Variants in NAV2 observed in about 807,000 individuals in gnomAD.
NAV2 encodes helicase, APC down-regulated 1.
NAV2 carries 54 observed loss-of-function variants against 223.2 expected under a neutral mutation model. The observed-to-expected ratio is 0.24, with a 90% CI of 0.19 to 0.30. The LOEUF is 0.30. NAV2 is among the 10% of genes least tolerant of loss of function. NAV2 has a pLI of 1.00. For synonymous variants in NAV2, 1,279 were observed against 1,239.3 expected (o/e 1.03, Z -0.67); for missense variants, 2,806 against 3,147.5 (o/e 0.89, Z 2.60).
At chr11:19,831,235 G>A (rs1472729175) in intron 1 of NAV2, among the ~76,000 whole-genome samples, 1 of 108,288 alleles carries the variant, frequency 9.2e-6, no homozygotes, top group Non-Finnish European at 2.0e-5. Flanking sequence ...GGGGGGGGGG[G>A]GGCGCGATGG....
intron 1 of NAV2, among the ~76,000 whole-genome samples, chr11:19,485,739 T>A (rs199881160): frequency 5.6e-5 from 8 of 143,988 alleles, no homozygotes; most frequent in South Asian, 2.3e-4. Flanking sequence ...TTTTTTTTTT[T>A]AAAAGGAAAG....
Position 19,567,701 on chromosome 11 carries a change from C to A in NAV2, c.75+216674C>A, listed in dbSNP as rs565911358. On this transcript the variant is annotated intron_variant, in intron 1 of 37. Coordinates refer to the NAV2 transcript ENST00000360655. ...CCAGCCCTGGAGCTTAATTCAGTCC[C>A]TCTGATAGACCACATTCTTCCTTGT... Among the ~76,000 whole-genome samples, 14 of 152,326 alleles carry A rather than the reference C, an allele frequency of 9.2e-5. No individual in the cohort carries two copies. The South Asian group carries it at 2.9e-3, about 32-fold the overall frequency.
At chr11:19,473,874 C>G (rs1403198196) in intron 1 of NAV2, among the ~76,000 whole-genome samples, 1 of 152,182 alleles carries the variant, frequency 6.6e-6, no homozygotes, top group Admixed American at 6.5e-5. Context: ...CGGAGGAGAC[C>G]ATTTTTGCCA....
intron 1 of NAV2, among the ~76,000 whole-genome samples, chr11:19,747,155 G>A (rs2053438217): frequency 1.4e-5 from 2 of 147,706 alleles, no homozygotes; most frequent in African/African-American, 5.0e-5. Flanking sequence ...TTGGTTTTTT[G>A]TCCTTGCGAT....
intron 10 of NAV2, among the ~76,000 whole-genome samples, chr11:19,962,879 G>T (rs1359823554): frequency 6.6e-6 from 1 of 152,186 alleles, no homozygotes; most frequent in Non-Finnish European, 1.5e-5. Context: ...CAGGGTCTGT[G>T]GTTATCTCCA....
At chr11:19,752,791 A>G (rs1354176624) in intron 1 of NAV2, among the ~76,000 whole-genome samples, 1 of 152,178 alleles carries the variant, frequency 6.6e-6, no homozygotes, top group Non-Finnish European at 1.5e-5. Context: ...AGTATTAGAC[A>G]AACAGTGGTT....
chr11:20,096,277 T>C (rs1256435384), intron 30 of NAV2, among the ~76,000 whole-genome samples: 1 of 152,242 alleles, frequency 6.6e-6, no homozygotes, highest in Non-Finnish European at 1.5e-5. Context: ...GCCATACTTA[T>C]TTCTCTATTC....
chr11:19,795,739 G>A (rs1002619522), intron 1 of NAV2, among the ~76,000 whole-genome samples: 1 of 152,228 alleles, frequency 6.6e-6, no homozygotes, highest in Non-Finnish European at 1.5e-5. Context: ...GCCTCCTCAT[G>A]TTGATTGGAA....
At chr11:19,984,758 G>C (rs1260985244) in intron 11 of NAV2, among the ~76,000 whole-genome samples, 1 of 152,210 alleles carries the variant, frequency 6.6e-6, no homozygotes, top group Non-Finnish European at 1.5e-5. Flanking sequence ...ACATCATAGA[G>C]GTTGATCAGG....
chr11:19,555,101 A>C (rs1366194425), intron 1 of NAV2, among the ~76,000 whole-genome samples: 1 of 152,036 alleles, frequency 6.6e-6, no homozygotes, highest in Non-Finnish European at 1.5e-5. Flanking sequence ...ATATGTGACT[A>C]TCTTAGATTG....
At chr11:19,776,678 T>TGTGTGTGTGTGTGTGTGGG (rs2056238347) in intron 1 of NAV2, among the ~76,000 whole-genome samples, 1 of 39,526 alleles carries the variant, frequency 2.5e-5, no homozygotes, top group African/African-American at 6.6e-5. Flanking sequence ...GTGTGTGTGG[T>TGTGTGTGTGTGTGTGTGGG]TAGAGTTGTG....
At chr11:20,000,438 A>G (rs545820787) in intron 11 of NAV2, among the ~76,000 whole-genome samples, 5 of 152,300 alleles carry the variant, frequency 3.3e-5, no homozygotes, top group Non-Finnish European at 5.9e-5. Flanking sequence ...AAGCTGTGGG[A>G]TGAAGCTGCC....
chr11:19,425,284 C>G (rs1666127475), intron 1 of NAV2, among the ~76,000 whole-genome samples: 1 of 152,216 alleles, frequency 6.6e-6, no homozygotes, highest in African/African-American at 2.4e-5. Flanking sequence ...TGGAGAAGAG[C>G]AGAGCCAATC....
chr11:19,615,098 A>T (rs1012365053), intron 1 of NAV2, among the ~76,000 whole-genome samples: 28 of 152,078 alleles, frequency 1.8e-4, no homozygotes, highest in African/African-American at 6.0e-4. Context: ...ATTGCCTGAG[A>T]GTCTGGGCTC....
At chr11:19,560,027 G>C (rs926188833) in intron 1 of NAV2, among the ~76,000 whole-genome samples, 2 of 152,338 alleles carry the variant, frequency 1.3e-5, no homozygotes, top group African/African-American at 2.4e-5. Context: ...GGAACCAGAA[G>C]CTGTGCTTTT....
intron 1 of NAV2, among the ~76,000 whole-genome samples, chr11:19,408,283 T>C (rs1173409550): frequency 6.6e-6 from 1 of 152,164 alleles, no homozygotes; most frequent in East Asian, 1.9e-4. Flanking sequence ...TATTCCATGT[T>C]GCAAGCAGGC....
intron 10 of NAV2, among the ~76,000 whole-genome samples, chr11:19,978,013 C>T (rs749313127): frequency 2.0e-5 from 3 of 149,820 alleles, no homozygotes; most frequent in Non-Finnish European, 4.4e-5. Context: ...TTAGTAGAAA[C>T]GGGGTTTCAC....
At chr11:19,377,348 C>T (rs1479741387) in intron 1 of NAV2, among the ~76,000 whole-genome samples, 1 of 152,178 alleles carries the variant, frequency 6.6e-6, no homozygotes, top group East Asian at 1.9e-4. Context: ...CTTTCTTCTG[C>T]CTGGAAAGCC....
chr11:19,634,643 G>A (rs2135516487), intron 1 of NAV2, among the ~76,000 whole-genome samples: 1 of 152,326 alleles, frequency 6.6e-6, no homozygotes, highest in African/African-American at 2.4e-5. Context: ...TGGACCCCAG[G>A]GATATAGAGG....
Sources: gnomAD v4.1 joint callset for allele counts (sites outside exome capture counted in the v4.1 genomes callset) on GRCh38, gnomAD v4.1.1 for gene constraint, MANE v1.5 for transcripts, NCBI Gene and HGNC (gene_info 2026-07-23, HGNC 2026-07-21) for gene names.